ARID2: variants seen among roughly 807,000 people sequenced by gnomAD.
ARID2 encodes AT-rich interaction domain 2, also known as AT-rich interactive domain-containing protein 2.
Under a neutral mutation model 184.6 loss-of-function variants are expected in ARID2, and 32 were observed. The ratio of observed to expected loss-of-function variants is 0.17; its 90% CI spans 0.13 to 0.23. The LOEUF (loss-of-function observed/expected upper bound fraction) is 0.23. ARID2 is among the 10% of genes least tolerant of loss of function. ARID2 has a pLI of 1.00. For synonymous variants in ARID2, 836 were observed against 772.6 expected, an observed-to-expected ratio of 1.08 and a Z score of -1.36; for missense variants, 1,696 against 2,197.6, an observed-to-expected ratio of 0.77 and a Z score of 4.56.
intron 11 of ARID2, 170 bp downstream of exon 11, chr12:45,839,666 A>C (rs1943302100): frequency 1.5e-6 from 1 of 647,848 alleles, no homozygotes; most frequent in East Asian, 3.0e-5. Context: ...TTCCAGGAGT[A>C]GCAGGATCAA....
chr12:45,795,028 T>A (rs1942363678), intron 3 of ARID2, among the ~76,000 whole-genome samples: 2 of 152,028 alleles, frequency 1.3e-5, no homozygotes, highest in African/African-American at 2.4e-5. Context: ...TCCTGTCGTT[T>A]TTTGTGTGTG....
chr12:45,826,894 T>A (rs1479641689), intron 6 of ARID2, among the ~76,000 whole-genome samples: 1 of 152,166 alleles, frequency 6.6e-6, no homozygotes, highest in Non-Finnish European at 1.5e-5. Flanking sequence ...ATTCAGAATT[T>A]AATTTGTAAC....
At chr12:45,749,433 A>G (rs967857949) in intron 3 of ARID2, among the ~76,000 whole-genome samples, 2 of 152,228 alleles carry the variant, frequency 1.3e-5, no homozygotes, top group African/African-American at 4.8e-5. Context: ...TAGATTTAGC[A>G]TAATTCTTAA....
intron 3 of ARID2, among the ~76,000 whole-genome samples, chr12:45,774,727 A>T (rs1422481679): frequency 6.6e-6 from 1 of 152,196 alleles, no homozygotes; most frequent in African/African-American, 2.4e-5. Context: ...CTGCCAACAC[A>T]CTAGGCAGCC....
chr12:45,803,057 A>G (rs1458356491), intron 3 of ARID2, among the ~76,000 whole-genome samples: 1 of 151,918 alleles, frequency 6.6e-6, no homozygotes, highest in Non-Finnish European at 1.5e-5. Flanking sequence ...TAGAATTAAC[A>G]TGTTTTTCTG....
intron 15 of ARID2, among the ~76,000 whole-genome samples, chr12:45,857,500 A>G (rs1348946315): frequency 1.3e-5 from 2 of 152,210 alleles, no homozygotes; most frequent in Admixed American, 6.5e-5. Flanking sequence ...ATGTGTTCTT[A>G]TAAAGTAGTG....
At position 45,860,889 on chromosome 12, in the gene ARID2, C is replaced by A. The variant is rs148443918; in HGVS notation, c.4862C>A (p.Pro1621His). ...QPSPFSGSSQPGDPMRKPGQN... is the reference protein window; with the variant it reads ...QPSPFSGSSQHGDPMRKPGQN... The stretch of plus-strand genomic sequence containing the variant: ...TCTCCATTCAGTGGATCCAGTCAGC[C>A]TGGAGATCCAATGAGAAAACCTGGA... Residue 1621 changes from proline (P) to histidine (H), a missense_variant, in exon 16 of 21, where the codon CCT becomes CAT. Physicochemically the swap from Pro to His is moderately conservative, Grantham distance 77. Around this residue, in one of 11 missense-constraint regions of ARID2, gnomAD observed 111 missense variants for 154.0 expected, o/e 0.72. Coordinates refer to ENST00000334344, the MANE Select transcript of ARID2 (RefSeq NM_152641.4). 6 of 1,603,852 alleles carry A rather than the reference C, an allele frequency of 3.7e-6. No homozygotes were observed. The Admixed American group carries it at 6.8e-5, about 18-fold the overall frequency.
At chr12:45,744,906 A>T (rs1218068857) in intron 3 of ARID2, among the ~76,000 whole-genome samples, 1 of 152,170 alleles carries the variant, frequency 6.6e-6, no homozygotes, top group East Asian at 1.9e-4. Context: ...AAATCTTCCT[A>T]GTTCTGAGAA....
chr12:45,856,694 A>G (rs1374264686), intron 15 of ARID2, among the ~76,000 whole-genome samples: 3 of 152,088 alleles, frequency 2.0e-5, no homozygotes, highest in South Asian at 2.1e-4. Context: ...GTTTCTTCCA[A>G]CCTCCATTAA....
Position 45,906,865 on chromosome 12 carries a change from TTG to T in ARID2, c.*1791_*1792del. The T allele has an allele frequency of 4.3e-6, 1 of 232,392 alleles. No individual in the cohort carries two copies. The highest frequency in any genetic ancestry group is 8.5e-6 in the Non-Finnish European group (1 of 117,542). The allele number at this position is 232,392 out of a possible 1,614,324, so 14.4% of individuals were successfully genotyped here. A position where few individuals can be genotyped will look rare whatever the true frequency, so the allele number is the denominator to read the frequency against. On this transcript the variant is annotated 3_prime_UTR_variant, in exon 21 of 21. Coordinates refer to ENST00000334344, the MANE Select transcript of ARID2 (RefSeq NM_152641.4). The stretch of plus-strand genomic sequence containing the variant: ...GGCTAAAAGCTTTTATTGTTTGATG[TTG>T]TGTTTCTTGACTGTTTATTCAGAAT...
chr12:45,882,772 G>T (rs1565637324), intron 16 of ARID2, among the ~76,000 whole-genome samples: 1 of 152,198 alleles, frequency 6.6e-6, no homozygotes, highest in South Asian at 2.1e-4. Context: ...AGCATCATTT[G>T]TCTCAATTTT....
chr12:45,783,875 A>T (rs1184247478), intron 3 of ARID2, among the ~76,000 whole-genome samples: 1 of 118,012 alleles, frequency 8.5e-6, no homozygotes, highest in Non-Finnish European at 2.0e-5. Flanking sequence ...CGAGAAAATT[A>T]TCACTACTTT....
At chr12:45,782,713 T>C (rs1190934586) in intron 3 of ARID2, among the ~76,000 whole-genome samples, 1 of 152,126 alleles carries the variant, frequency 6.6e-6, no homozygotes, top group Non-Finnish European at 1.5e-5. Context: ...AACTAGGACT[T>C]GAACTAAAGT....
At chr12:45,904,705 A>C (rs1944499916) in intron 20 of ARID2, among the ~76,000 whole-genome samples, 1 of 151,078 alleles carries the variant, frequency 6.6e-6, no homozygotes, top group African/African-American at 2.4e-5. Flanking sequence ...AAAAAAAAAA[A>C]AAAAAAAAAG....
Position 45,860,842 on chromosome 12 carries a change from C to T in ARID2, c.4815C>T (p.Gly1605=), listed in dbSNP as rs138953201. The T allele has an allele frequency of 8.8e-4, 1,407 of 1,607,008 alleles. 1 individual carries two copies. The highest frequency in any genetic ancestry group is 1.1e-3 in the Non-Finnish European group (1,281 of 1,176,584). Residue 1605 remains glycine (G), a synonymous_variant, in exon 16 of 21, where the codon GGC becomes GGT. Coordinates refer to ENST00000334344, the MANE Select transcript of ARID2 (RefSeq NM_152641.4). Reference sequence around the variant, plus strand: ...CTTCACCAGCTGTACAAGTGCAGGGCCAGCCTAACAGTTCTCAGCCTTCTC... The same window carrying T: ...CTTCACCAGCTGTACAAGTGCAGGGTCAGCCTAACAGTTCTCAGCCTTCTC... ...MPPSPAVQVQ[G]QPNSSQPSPF...
chr12:45,867,477 T>C (rs1290524360), intron 16 of ARID2, among the ~76,000 whole-genome samples: 1 of 146,578 alleles, frequency 6.8e-6, no homozygotes, highest in Non-Finnish European at 1.5e-5. Flanking sequence ...GCGCAGTGGC[T>C]CATGCCTGTA....
intron 3 of ARID2, among the ~76,000 whole-genome samples, chr12:45,766,992 A>G (rs1941784372): frequency 6.6e-6 from 1 of 152,036 alleles, no homozygotes; most frequent in African/African-American, 2.4e-5. Context: ...AAACAACAAC[A>G]ATAACAAACA....
intron 3 of ARID2, among the ~76,000 whole-genome samples, chr12:45,771,566 G>T (rs1332596581): frequency 6.6e-6 from 1 of 151,880 alleles, no homozygotes; most frequent in African/African-American, 2.4e-5. Flanking sequence ...CTAGCTGCTT[G>T]GTAGGCTGAG....
chr12:45,892,856 G>T (rs1018060675), intron 18 of ARID2, among the ~76,000 whole-genome samples: 1 of 152,064 alleles, frequency 6.6e-6, no homozygotes, highest in Non-Finnish European at 1.5e-5. Context: ...CAGAACTATA[G>T]TGAAAGGATT....
Sources: allele counts gnomAD v4.1 joint callset (sites outside exome capture counted in the v4.1 genomes callset), GRCh38; gene constraint gnomAD v4.1.1; regional missense constraint gnomAD v4.1.1; transcripts MANE v1.5; gene names NCBI Gene and HGNC (gene_info 2026-07-23, HGNC 2026-07-21).